Variants in DDHD1 observed in about 807,000 individuals in gnomAD.
DDHD1 encodes the protein phospholipase DDHD1.
A neutral mutation model predicts 96.4 loss-of-function variants in DDHD1; 49 were observed. That is an observed-to-expected ratio of 0.51 (90% CI 0.40 to 0.64). The LOEUF is 0.64. DDHD1 is among the 30% of genes least tolerant of loss of function. The pLI is 0.00. For missense variants in DDHD1, 1,106 were observed against 1,161.2 expected (o/e 0.95, Z 0.69); for synonymous variants, 442 against 446.5 (o/e 0.99, Z 0.13).
At chr14:53,103,985 A>G in intron 1 of DDHD1, 129 bp from the exon 2 acceptor site, 1 of 715,396 alleles carries the variant, frequency 1.4e-6, no homozygotes. Context: ...CAATACAATC[A>G]TCTAAACTTT....
At chr14:53,119,832 C>T (rs574318917) in intron 1 of DDHD1, among the ~76,000 whole-genome samples, 1 of 152,220 alleles carries the variant, frequency 6.6e-6, no homozygotes, top group Admixed American at 6.5e-5. Context: ...TTATGACAAA[C>T]CCATAGCCAA....
rs573210807 is a variant in DDHD1, at chr14:53,071,619, T to A, written c.1503+978A>T. Among the ~76,000 whole-genome samples, 5 of 152,214 alleles carry A rather than the reference T, an allele frequency of 3.3e-5. No individual in the cohort carries two copies. The South Asian group carries it at 1.0e-3, about 32-fold the overall frequency. ...TATGTATATATTATCAAATCTTACC[T>A]GGGATTCCTGATAAATAAATTTTAC... On this transcript the variant is annotated intron_variant, in intron 6 of 12. Transcript: ENST00000673822.
intron 4 of DDHD1, among the ~76,000 whole-genome samples, chr14:53,076,441 T>C (rs899122260): frequency 6.6e-6 from 1 of 152,070 alleles, no homozygotes; most frequent in Non-Finnish European, 1.5e-5. Flanking sequence ...GGATGAGGAG[T>C]TGCTTCTTAT....
At chr14:53,142,654 C>T (rs904537045) in intron 1 of DDHD1, among the ~76,000 whole-genome samples, 1 of 152,184 alleles carries the variant, frequency 6.6e-6, no homozygotes, top group South Asian at 2.1e-4. Flanking sequence ...AAAGCAGATG[C>T]TCAAGAATTT....
Position 53,063,081 on chromosome 14 carries a change from G to T in DDHD1, c.1628C>A (p.Thr543Asn). The T allele has an allele frequency of 1.9e-6, 3 of 1,614,028 alleles. No individual in the cohort carries two copies. The highest frequency in any genetic ancestry group is 2.5e-6 in the Non-Finnish European group (3 of 1,179,984). The change falls in exon 7 of 13, where the codon ACT (threonine) becomes AAT (asparagine). Residue 543 changes from threonine (T) to asparagine (N), a missense_variant. This residue lies in a region of DDHD1 where 650 missense variants were observed against 758.8 expected (regional missense o/e 0.86). Transcript: ENST00000673822. The part of the protein sequence containing the change: ...IVSHSLGCVI[T>N]YDIMTGWNPV... ...ATTCCAGCCAGTCATTATGTCATAA[G>T]TAATTACACATCCCAAGGAATGTGA...
At chr14:53,069,456 A>G (rs1884327320) in intron 6 of DDHD1, among the ~76,000 whole-genome samples, 2 of 152,188 alleles carry the variant, frequency 1.3e-5, no homozygotes, top group Non-Finnish European at 2.9e-5. Context: ...ATTTTATAGC[A>G]ATAGAGTATT....
intron 2 of DDHD1, among the ~76,000 whole-genome samples, chr14:53,102,168 A>C (rs898692010): frequency 6.6e-6 from 1 of 152,248 alleles, no homozygotes; most frequent in East Asian, 1.9e-4. Context: ...TTATGATAAA[A>C]GGTCTATCCT....
intron 1 of DDHD1, among the ~76,000 whole-genome samples, chr14:53,113,174 C>A (rs1435745726): frequency 1.3e-5 from 2 of 151,416 alleles, no homozygotes; most frequent in African/African-American, 2.4e-5. Flanking sequence ...GCTATGATAG[C>A]CAGGCTGGTC....
chr14:53,071,546 G>A (rs185280007), intron 6 of DDHD1, among the ~76,000 whole-genome samples: 4 of 152,136 alleles, frequency 2.6e-5, no homozygotes, highest in Admixed American at 2.6e-4. Flanking sequence ...CAATAAACAT[G>A]TAGACCATAT....
chr14:53,096,465 T>G (rs942943509), intron 2 of DDHD1, among the ~76,000 whole-genome samples: 1 of 152,082 alleles, frequency 6.6e-6, no homozygotes, highest in African/African-American at 2.4e-5. Flanking sequence ...CTGATTATCA[T>G]GTTTAATGTC....
At chr14:53,132,369 T>C (rs895234470) in intron 1 of DDHD1, among the ~76,000 whole-genome samples, 4 of 152,160 alleles carry the variant, frequency 2.6e-5, no homozygotes, top group Non-Finnish European at 5.9e-5. Flanking sequence ...AGCATTCACT[T>C]CATTTCCCCA....
At chr14:53,111,634 A>ACC (rs138363988) in intron 1 of DDHD1, among the ~76,000 whole-genome samples, 126 of 148,374 alleles carry the variant, frequency 8.5e-4, no homozygotes, top group African/African-American at 2.0e-3. Context: ...AAAGTTTATT[A>ACC]CCCCCCCCCA....
At chr14:53,135,083 ATTTTG>A (rs1419019441) in intron 1 of DDHD1, among the ~76,000 whole-genome samples, 3 of 151,878 alleles carry the variant, frequency 2.0e-5, no homozygotes, top group African/African-American at 4.8e-5. Flanking sequence ...CTTCACCACC[ATTTTG>A]TTTTGTTTTT....
In DDHD1 at chr14:53,103,676, A is replaced by T; in HGVS notation, c.1012+7T>A. On this transcript the variant is annotated splice_region_variant and intron_variant, in intron 2 of 12. Coordinates refer to ENST00000673822, the MANE Select transcript of DDHD1 (RefSeq NM_001160148.2). Reference sequence around the variant, plus strand: ...TAGAATATATTAAATGTATCAATTGATCTTACCATCTTTTCCATCTATGGA... The same window carrying T: ...TAGAATATATTAAATGTATCAATTGTTCTTACCATCTTTTCCATCTATGGA... 1 of 1,604,446 alleles carries T rather than the reference A, an allele frequency of 6.2e-7. No homozygotes were observed. Among genetic ancestry groups the T allele is most frequent in the South Asian group, 1.1e-5 (1 of 89,582 alleles).
intron 2 of DDHD1, among the ~76,000 whole-genome samples, chr14:53,094,317 T>C (rs12886693): frequency 0.73 from 111,176 of 152,218 alleles, 43,507 homozygotes; most frequent in East Asian, 0.96. Context: ...CCAATAATTA[T>C]TGGATATTGC....
At chr14:53,105,848 CT>C (rs1463609968) in intron 1 of DDHD1, among the ~76,000 whole-genome samples, 1 of 151,614 alleles carries the variant, frequency 6.6e-6, no homozygotes, top group Non-Finnish European at 1.5e-5. Flanking sequence ...CATACGTATT[CT>C]TTTTTTTCCT....
At chr14:53,105,698 G>A (rs1418441085) in intron 1 of DDHD1, among the ~76,000 whole-genome samples, 1 of 152,020 alleles carries the variant, frequency 6.6e-6, no homozygotes, top group African/African-American at 2.4e-5. Flanking sequence ...TCTTGTGTAA[G>A]GCATAGAATT....
In DDHD1 at chr14:53,054,930, G is replaced by A. The variant is rs12880404; in HGVS notation, c.2246-301C>T. Among the ~76,000 whole-genome samples the A allele has an allele frequency of 0.79, 120,451 of 152,106 alleles. 48,539 individuals carry two copies. The highest frequency in any genetic ancestry group is 0.98 in the East Asian group (5,093 of 5,190). Reference sequence around the variant, plus strand: ...AATATTTGGCAAGATTAAAGTCTTTGATAAAAGAACCATGCCATTGACATG... The same window carrying A: ...AATATTTGGCAAGATTAAAGTCTTTAATAAAAGAACCATGCCATTGACATG... On this transcript the variant is annotated intron_variant, in intron 10 of 12. Transcript: ENST00000673822.
At chr14:53,062,281 A>G (rs1041107815) in intron 7 of DDHD1, among the ~76,000 whole-genome samples, 15 of 152,054 alleles carry the variant, frequency 9.9e-5, no homozygotes, top group African/African-American at 3.6e-4. Flanking sequence ...TAAAAATTTT[A>G]GTCAATTAGC....
Sources: gnomAD v4.1 joint callset for allele counts (sites outside exome capture counted in the v4.1 genomes callset) on GRCh38, gnomAD v4.1.1 for gene constraint, gnomAD v4.1.1 regional missense constraint, MANE v1.5 for transcripts, NCBI Gene and HGNC (gene_info 2026-07-23, HGNC 2026-07-21) for gene names.